The following STARD3NL variants were observed in gnomAD, a reference collection of about 807,000 sequenced individuals.
STARD3NL encodes STARD3 N-terminal like.
Under a neutral mutation model 30.9 loss-of-function variants are expected in STARD3NL, and 17 were observed. The ratio of observed to expected loss-of-function variants is 0.55; its 90% confidence interval spans 0.38 to 0.82. STARD3NL has a LOEUF of 0.82. STARD3NL is among the 40% of genes least tolerant of loss of function. The pLI, the probability that STARD3NL is intolerant of heterozygous loss-of-function variation, is 0.00. For missense variants in STARD3NL, 234 were observed against 277.6 expected, an observed-to-expected ratio of 0.84 and a Z score of 1.12; for synonymous variants, 112 against 100.5, an observed-to-expected ratio of 1.11 and a Z score of -0.69.
chr7:38,228,950 C>A, intron 8 of STARD3NL, 79 bp downstream of exon 8: 1 of 1,046,556 alleles, frequency 9.6e-7, no homozygotes, highest in Non-Finnish European at 1.4e-6. Context: ...AAGTAGAATT[C>A]AAAGAATAAG....
intron 1 of STARD3NL, among the ~76,000 whole-genome samples, chr7:38,179,410 A>T (rs1019180): frequency 0.42 from 64,613 of 152,096 alleles, 14,061 homozygotes; most frequent in Admixed American, 0.49. Flanking sequence ...TTAAAATCTA[A>T]CTGTCTCAAA....
chr7:38,206,504 G>T (rs538701319), intron 1 of STARD3NL, among the ~76,000 whole-genome samples: 3 of 152,214 alleles, frequency 2.0e-5, no homozygotes, highest in African/African-American at 7.2e-5. Context: ...CAGATTATTT[G>T]GATTACTCAT....
At chr7:38,204,144 G>A (rs1785326471) in intron 1 of STARD3NL, among the ~76,000 whole-genome samples, 1 of 152,058 alleles carries the variant, frequency 6.6e-6, no homozygotes, top group Non-Finnish European at 1.5e-5. Context: ...CCTAATAGAC[G>A]TCTACAGAAC....
chr7:38,180,201 A>G (rs747185945), intron 1 of STARD3NL, among the ~76,000 whole-genome samples: 1 of 152,102 alleles, frequency 6.6e-6, no homozygotes, highest in Non-Finnish European at 1.5e-5. Context: ...TTGTGTATAT[A>G]TTTTTTCTCC....
intron 2 of STARD3NL, among the ~76,000 whole-genome samples, chr7:38,211,500 A>G (rs181582278): frequency 8.7e-4 from 133 of 152,324 alleles, no homozygotes; most frequent in African/African-American, 2.7e-3. Flanking sequence ...ACAGAGGCTA[A>G]GAAAATACTA....
intron 1 of STARD3NL, among the ~76,000 whole-genome samples, chr7:38,186,745 C>G (rs1167420145): frequency 6.6e-6 from 1 of 152,122 alleles, no homozygotes; most frequent in Admixed American, 6.5e-5. Flanking sequence ...GTACAGTGGG[C>G]TCTACCATCT....
Position 38,217,294 on chromosome 7 carries a change from A to G in STARD3NL, c.542A>G (p.Glu181Gly), listed in dbSNP as rs1165415606. Reference protein sequence around the residue: ...LDFKVLPQEAEEENRLLIVQD... With the variant: ...LDFKVLPQEAGEENRLLIVQD... ...TTCAAAGTGTTACCTCAAGAAGCAG[A>G]AGAAGAAAACAGTAAGTTCCTCTCA... is the stretch of plus-strand genomic sequence containing the variant. Residue 181 changes from glutamate to glycine, a missense_variant, in exon 6 of 9, where the codon GAA becomes GGA. Transcript: ENST00000009041. 1 of 1,613,966 alleles carries G rather than the reference A, an allele frequency of 6.2e-7. No homozygotes were observed. The highest frequency in any genetic ancestry group is 8.5e-7 in the Non-Finnish European group (1 of 1,179,916).
intron 1 of STARD3NL, among the ~76,000 whole-genome samples, chr7:38,194,580 A>T (rs547736671): frequency 6.6e-6 from 1 of 152,196 alleles, no homozygotes; most frequent in East Asian, 1.9e-4. Flanking sequence ...AGTAAGCCCA[A>T]GTTTACAGCT....
At chr7:38,226,554 A>T (rs1031653619) in intron 7 of STARD3NL, among the ~76,000 whole-genome samples, 3 of 152,164 alleles carry the variant, frequency 2.0e-5, no homozygotes, top group African/African-American at 7.2e-5. Flanking sequence ...GCCATTTTCA[A>T]GTCCTCCCCA....
intron 4 of STARD3NL, 186 bp downstream of exon 4, chr7:38,215,291 A>C (rs778794569): frequency 1.6e-5 from 9 of 560,804 alleles, no homozygotes; most frequent in Admixed American, 1.3e-4. Context: ...AATGTTAATG[A>C]GTAACTAGAT....
intron 3 of STARD3NL, 39 bp downstream of exon 3, chr7:38,214,473 C>T: frequency 7.2e-7 from 1 of 1,379,714 alleles, no homozygotes; most frequent in Non-Finnish European, 1.0e-6. Context: ...TGTGATAAAA[C>T]TGACCCAAAA....
intron 7 of STARD3NL, among the ~76,000 whole-genome samples, chr7:38,223,590 C>A (rs1362861698): frequency 6.6e-6 from 1 of 152,142 alleles, no homozygotes; most frequent in Non-Finnish European, 1.5e-5. Flanking sequence ...GGTTTGCCTG[C>A]AGCAGCCTTG....
chr7:38,180,636 A>G (rs1430210942), intron 1 of STARD3NL, among the ~76,000 whole-genome samples: 3 of 152,228 alleles, frequency 2.0e-5, no homozygotes, highest in Non-Finnish European at 2.9e-5. Flanking sequence ...CTACTGAGCT[A>G]GTACTGATGG....
At chr7:38,185,387 A>G (rs1180382823) in intron 1 of STARD3NL, among the ~76,000 whole-genome samples, 1 of 152,226 alleles carries the variant, frequency 6.6e-6, no homozygotes, top group Non-Finnish European at 1.5e-5. Flanking sequence ...ATATCACATC[A>G]TAGGAGATAA....
chr7:38,192,865 A>G (rs1219488366), intron 1 of STARD3NL, among the ~76,000 whole-genome samples: 1 of 133,562 alleles, frequency 7.5e-6, no homozygotes, highest in East Asian at 2.3e-4. Flanking sequence ...TCGGGCGCAC[A>G]CTCCTCTCCT....
At chr7:38,216,121 G>A (rs763299904) in intron 4 of STARD3NL, 1 of 152,042 alleles carries the variant, frequency 6.6e-6, no homozygotes, top group Non-Finnish European at 1.5e-5. Context: ...GATCCCTTTG[G>A]GATGTTGTAT....
intron 1 of STARD3NL, among the ~76,000 whole-genome samples, chr7:38,197,136 T>TTTTCCTTCTTTCTTTCTTTC (rs1784938388): frequency 8.9e-6 from 1 of 112,276 alleles, no homozygotes; most frequent in Admixed American, 1.0e-4. Context: ...GCATTACCTT[T>TTTTCCTTCTTTCTTTCTTTC]TTTCTTTCTT....
At position 38,178,295 on chromosome 7, in the gene STARD3NL, C is replaced by A. The variant is rs867828783; in HGVS notation, c.-184C>A. On this transcript the variant is annotated 5_prime_UTR_variant, in exon 1 of 9. Transcript: ENST00000009041. The stretch of plus-strand genomic sequence containing the variant: ...GCTGCTGGGTGCGGGCGGTGGGCTG[C>A]GCGTTGTCCGCTGGACTGGGTCCCG... 1 of 152,184 alleles carries A rather than the reference C, an allele frequency of 6.6e-6. No homozygotes were observed. Among genetic ancestry groups the A allele is most frequent in the Non-Finnish European group, 1.5e-5 (1 of 68,086 alleles). The allele number at this position is 152,184 out of a possible 1,614,324, so 9.4% of individuals were successfully genotyped here.
intron 1 of STARD3NL, 49 bp downstream of exon 1, chr7:38,178,469 C>G (rs1322843854): frequency 1.3e-5 from 2 of 152,418 alleles, no homozygotes; most frequent in Non-Finnish European, 2.9e-5. Context: ...AAAACTGAGT[C>G]TCCTGGGTCA....
Sources: allele counts gnomAD v4.1 joint callset (sites outside exome capture counted in the v4.1 genomes callset), GRCh38; gene constraint gnomAD v4.1.1; transcripts MANE v1.5; gene names NCBI Gene and HGNC (gene_info 2026-07-23, HGNC 2026-07-21).